Variants in ASIC2 observed in about 807,000 individuals in gnomAD.
ASIC2 encodes the protein acid sensing ion channel subunit 2, also known as acid-sensing ion channel 2.
In ASIC2, 25 loss-of-function variants were observed where a neutral mutation model predicts 57.3. That is an observed-to-expected ratio of 0.44 (90% CI 0.32 to 0.61). The LOEUF (loss-of-function observed/expected upper bound fraction) is 0.61. Ranked by LOEUF, ASIC2 falls within the 20% of genes least tolerant of loss-of-function variation. ASIC2 has a pLI of 0.06. For synonymous variants in ASIC2, 319 were observed against 307.5 expected (o/e 1.04, Z -0.39); for missense variants, 641 against 738.1 (o/e 0.87, Z 1.52).
chr17:33,839,561 C>T (rs1401849695), intron 1 of ASIC2, among the ~76,000 whole-genome samples: 1 of 152,144 alleles, frequency 6.6e-6, no homozygotes, highest in Non-Finnish European at 1.5e-5. Flanking sequence ...TTTGATTGCT[C>T]GCTCTAGGGT....
At chr17:33,088,711 A>G (rs554638132) in intron 3 of ASIC2, 152 bp downstream of exon 3, 2 of 1,135,778 alleles carry the variant, frequency 1.8e-6, no homozygotes, top group African/African-American at 1.6e-5. Context: ...CAGGTGGTAC[A>G]GGAGAACTGG....
chr17:33,753,541 G>A (rs1332898371), intron 1 of ASIC2, among the ~76,000 whole-genome samples: 1 of 152,230 alleles, frequency 6.6e-6, no homozygotes, highest in African/African-American at 2.4e-5. Context: ...TGAACAATTC[G>A]TGAATGGGGC....
intron 3 of ASIC2, among the ~76,000 whole-genome samples, chr17:33,028,701 T>C (rs946340631): frequency 2.0e-5 from 3 of 152,166 alleles, no homozygotes; most frequent in African/African-American, 4.8e-5. Flanking sequence ...TTATCTTTTA[T>C]AATCTTCCCA....
intron 1 of ASIC2, among the ~76,000 whole-genome samples, chr17:33,745,110 G>A (rs1019145698): frequency 6.6e-6 from 1 of 152,174 alleles, no homozygotes; most frequent in African/African-American, 2.4e-5. Context: ...ACTAAAATAT[G>A]GTAATAACAT....
intron 1 of ASIC2, among the ~76,000 whole-genome samples, chr17:33,598,536 T>C (rs1905041827): frequency 6.6e-6 from 1 of 152,160 alleles, no homozygotes; most frequent in Non-Finnish European, 1.5e-5. Flanking sequence ...GAAGACTGTA[T>C]GTGAAAATGT....
intron 1 of ASIC2, chr17:33,291,150 G>A (rs1905418935): frequency 3.0e-6 from 2 of 656,438 alleles, no homozygotes; most frequent in Non-Finnish European, 4.7e-6. Context: ...TGAGGGCTTT[G>A]GGGGCTGACA....
At chr17:34,058,345 T>C (rs1908846445) in intron 1 of ASIC2, among the ~76,000 whole-genome samples, 1 of 152,124 alleles carries the variant, frequency 6.6e-6, no homozygotes, top group African/African-American at 2.4e-5. Flanking sequence ...ACCAAGCTTA[T>C]CAACAGTAGA....
chr17:33,109,627 G>T (rs2092248726), intron 2 of ASIC2, among the ~76,000 whole-genome samples: 2 of 152,202 alleles, frequency 1.3e-5, no homozygotes, highest in Admixed American at 1.3e-4. Flanking sequence ...GAAAGATGGG[G>T]TCTTTTCTCA....
chr17:34,030,314 C>T (rs79729786), intron 1 of ASIC2, among the ~76,000 whole-genome samples: 2,343 of 152,326 alleles, frequency 0.015, 47 homozygotes, highest in East Asian at 0.06. Context: ...GATCCATAAT[C>T]CATCCATTCG....
At chr17:33,017,818 C>T in intron 7 of ASIC2, 134 bp from the exon 8 acceptor site, 1 of 756,324 alleles carries the variant, frequency 1.3e-6, no homozygotes, top group Non-Finnish European at 2.1e-6. Flanking sequence ...GTGGGAGGTC[C>T]AGGCCTTTGG....
At chr17:34,132,007 T>C (rs975142954) in intron 1 of ASIC2, among the ~76,000 whole-genome samples, 1 of 152,152 alleles carries the variant, frequency 6.6e-6, no homozygotes, top group African/African-American at 2.4e-5. Context: ...GTCCTGGAAT[T>C]TGAGACACCA....
At chr17:33,497,172 C>A (rs571961622) in intron 1 of ASIC2, among the ~76,000 whole-genome samples, 44 of 152,338 alleles carry the variant, frequency 2.9e-4, no homozygotes, top group Middle Eastern at 3.4e-3. Context: ...CATCCATGTC[C>A]CCTTCTTCAA....
At chr17:33,066,581 C>T (rs57661900) in intron 3 of ASIC2, among the ~76,000 whole-genome samples, 6,350 of 152,178 alleles carry the variant, frequency 0.042, 426 homozygotes, top group African/African-American at 0.14. Context: ...TGGCAGGGCC[C>T]TCCCTTTCCA....
At chr17:33,314,137 A>T (rs1187396589) in intron 1 of ASIC2, among the ~76,000 whole-genome samples, 1 of 152,090 alleles carries the variant, frequency 6.6e-6, no homozygotes, top group Non-Finnish European at 1.5e-5. Flanking sequence ...ACTCTTTGTT[A>T]TCTGTCAGGA....
chr17:34,120,778 A>G (rs1365005378), intron 1 of ASIC2, among the ~76,000 whole-genome samples: 1 of 117,736 alleles, frequency 8.5e-6, no homozygotes, highest in African/African-American at 3.4e-5. Context: ...TTGCTCTGTC[A>G]CCCAGGCTGG....
intron 1 of ASIC2, among the ~76,000 whole-genome samples, chr17:33,437,108 G>T (rs577621671): frequency 1.3e-5 from 2 of 151,464 alleles, no homozygotes; most frequent in Non-Finnish European, 2.9e-5. Flanking sequence ...CTCGTGATCT[G>T]CCCGCCTCGG....
At chr17:34,057,715 G>T (rs981708466) in intron 1 of ASIC2, among the ~76,000 whole-genome samples, 2 of 152,130 alleles carry the variant, frequency 1.3e-5, no homozygotes, top group African/African-American at 2.4e-5. Context: ...TAGGATTAGT[G>T]CTAGTGCTTG....
chr17:33,036,019 C>T (rs553199131), intron 3 of ASIC2, among the ~76,000 whole-genome samples: 100 of 152,262 alleles, frequency 6.6e-4, no homozygotes, highest in African/African-American at 2.3e-3. Flanking sequence ...GTAAATAAAC[C>T]TGTGCTGTCC....
intron 1 of ASIC2, among the ~76,000 whole-genome samples, chr17:33,877,555 TG>T (rs1037103882): frequency 6.6e-5 from 10 of 152,094 alleles, no homozygotes; most frequent in African/African-American, 2.2e-4. Flanking sequence ...CTGGTGAGGC[TG>T]GGGGAGGGGC....
Sources: allele counts gnomAD v4.1 joint callset (sites outside exome capture counted in the v4.1 genomes callset), GRCh38; gene constraint gnomAD v4.1.1; transcripts MANE v1.5; gene names NCBI Gene and HGNC (gene_info 2026-07-23, HGNC 2026-07-21).